The following MYOM3 variants were observed in gnomAD, a reference collection of about 807,000 sequenced individuals.
The protein encoded by MYOM3 is myomesin 3, also known as myomesin-3.
A neutral mutation model predicts 191.7 loss-of-function variants in MYOM3; 155 were observed. That is an observed-to-expected ratio of 0.81 (90% CI 0.71 to 0.92). The LOEUF is 0.92. MYOM3 is among the 40% of genes least tolerant of loss of function. MYOM3 has a pLI of 0.00. For missense variants in MYOM3, 1,889 were observed against 1,890.6 expected (o/e 1.00, Z 0.02); for synonymous variants, 757 against 762.9 (o/e 0.99, Z 0.13).
chr1:24,061,975 C>G lies in MYOM3; in HGVS notation c.3905G>C (p.Arg1302Pro), dbSNP rs182345655. 1 of 1,614,040 alleles carries G rather than the reference C, an allele frequency of 6.2e-7. No homozygotes were observed. The highest frequency in any genetic ancestry group is 8.5e-7 in the Non-Finnish European group (1 of 1,180,036). Residue 1302 changes from arginine to proline, a missense_variant, in exon 33 of 37, where the codon CGG (arginine) becomes CCG (proline). Physicochemically the swap from Arg to Pro is moderately radical, Grantham distance 103. Transcript: ENST00000374434. ...CCCTGAGAGATCTGTTGAGAGCTGC[C>G]GGACTTCCTTCCCTGCAGCTATTTC... is the stretch of plus-strand genomic sequence containing the variant. ...TLEIAAGKEV[R>P]QLSTDLSGQA...
At chr1:24,092,086 C>G in intron 11 of MYOM3, 88 bp downstream of exon 11, 1 of 1,273,188 alleles carries the variant, frequency 7.9e-7, no homozygotes, top group East Asian at 2.8e-5. Flanking sequence ...TCTCTGAGGT[C>G]AGACATGGGG....
Position 24,084,556 on chromosome 1 carries a change from G to GGTCTT in MYOM3, c.1877_1881dup (p.Pro628LysfsTer38). The GGTCTT allele has an allele frequency of 6.2e-7, 1 of 1,614,110 alleles. No homozygotes were observed. The highest frequency in any genetic ancestry group is 8.5e-7 in the Non-Finnish European group (1 of 1,180,016). ...TAGATGTAATAACCCAGGAGCTCTG[G>GGTCTT]GTCTTTCACAGGATCCCATGTCAGG... On this transcript the variant is annotated frameshift_variant, in exon 16 of 37. Coordinates refer to ENST00000374434, the MANE Select transcript of MYOM3 (RefSeq NM_152372.4). LOFTEE classifies it high-confidence loss of function.
Position 24,090,137 on chromosome 1 carries a change from ATGGGAGGG to A in MYOM3, c.1433-27_1433-20del. 1 of 1,356,494 alleles carries A rather than the reference ATGGGAGGG, an allele frequency of 7.4e-7. No homozygotes were observed. The highest frequency in any genetic ancestry group is 1.1e-6 in the Non-Finnish European group (1 of 944,410). 84.0% of individuals were successfully genotyped at this position (1,356,494 alleles called of 1,614,324 possible). A position where few individuals can be genotyped will look rare whatever the true frequency, so the allele number is the denominator to read the frequency against. On this transcript the variant is annotated intron_variant, in intron 12 of 36. Coordinates refer to ENST00000374434, the MANE Select transcript of MYOM3 (RefSeq NM_152372.4). The stretch of plus-strand genomic sequence containing the variant: ...GGGATCTCTAGGATGAGAAGGGAGC[ATGGGAGGG>A]TGGGGGGTGGCACAGGAGGAGTTAG...
intron 1 of MYOM3, among the ~76,000 whole-genome samples, chr1:24,110,366 G>A (rs1047680905): frequency 6.6e-6 from 1 of 152,022 alleles, no homozygotes; most frequent in African/African-American, 2.4e-5. Flanking sequence ...GTGCATGTGT[G>A]TGTATGTGTG....
At chr1:24,082,290 C>A in intron 17 of MYOM3, 102 bp from the exon 18 acceptor site, 1 of 1,117,680 alleles carries the variant, frequency 8.9e-7, no homozygotes. Context: ...TTGGTGCCTG[C>A]CCTACTCCAG....
chr1:24,104,120 T>C (rs915003101), intron 5 of MYOM3, among the ~76,000 whole-genome samples: 7 of 152,228 alleles, frequency 4.6e-5, no homozygotes, highest in African/African-American at 1.7e-4. Flanking sequence ...ACCTGTGTAA[T>C]AGGCATAATG....
intron 15 of MYOM3, among the ~76,000 whole-genome samples, chr1:24,086,271 C>A (rs1271872237): frequency 1.3e-5 from 2 of 152,026 alleles, no homozygotes; most frequent in African/African-American, 4.8e-5. Context: ...GACAGCTCAA[C>A]CCCCACCAGA....
At chr1:24,109,614 G>T (rs1644022184) in intron 1 of MYOM3, among the ~76,000 whole-genome samples, 1 of 152,228 alleles carries the variant, frequency 6.6e-6, no homozygotes, top group South Asian at 2.1e-4. Context: ...ACAATAGTGA[G>T]AACTTACTAT....
intron 17 of MYOM3, 112 bp from the exon 18 acceptor site, chr1:24,082,300 G>A: frequency 9.3e-7 from 1 of 1,078,550 alleles, no homozygotes; most frequent in South Asian, 1.7e-5. Flanking sequence ...CCCTACTCCA[G>A]GGGTTTTTCC....
intron 25 of MYOM3, 143 bp downstream of exon 25, chr1:24,070,974 C>G: frequency 9.4e-7 from 1 of 1,068,338 alleles, no homozygotes; most frequent in Non-Finnish European, 1.4e-6. Flanking sequence ...CCATCCCGTC[C>G]TCATCACTGC....
intron 35 of MYOM3, among the ~76,000 whole-genome samples, chr1:24,059,568 A>G (rs1643343470): frequency 2.0e-5 from 3 of 152,232 alleles, no homozygotes; most frequent in African/African-American, 7.2e-5. Context: ...TGACCATGAG[A>G]TGCTCCTGCC....
chr1:24,057,470 C>A lies in MYOM3; in HGVS notation c.4208G>T (p.Gly1403Val). The A allele has an allele frequency of 1.2e-6, 2 of 1,614,218 alleles. No individual in the cohort carries two copies. Among genetic ancestry groups the A allele is most frequent in the Non-Finnish European group, 1.7e-6 (2 of 1,180,034 alleles). ...TIEKVNSEDS[G>V]RYGVFVKNKY... ...GTTCTTGACGAAGACGCCGTAGCGG[C>A]CGCTGTCTTCACTGTTGACCTTCTC... The change falls in exon 37 of 37, where the codon GGC becomes GTC. Residue 1403 changes from glycine to valine, a missense_variant. Physicochemically the swap from Gly to Val is moderately radical, Grantham distance 109. Transcript: ENST00000374434.
chr1:24,097,873 G>T (rs1557615298), intron 7 of MYOM3, 50 bp downstream of exon 7: 1 of 1,210,048 alleles, frequency 8.3e-7, no homozygotes, highest in Non-Finnish European at 1.2e-6. Flanking sequence ...TGTCTGCCCA[G>T]CTTGGGTTTG....
intron 5 of MYOM3, among the ~76,000 whole-genome samples, chr1:24,102,364 C>T (rs1382231589): frequency 6.6e-6 from 1 of 152,144 alleles, no homozygotes; most frequent in African/African-American, 2.4e-5. Flanking sequence ...CGGGAAGATT[C>T]CAGACACCTC....
chr1:24,071,222 G>A lies in MYOM3; in HGVS notation c.3045C>T (p.Asp1015=), dbSNP rs1252373622. The A allele has an allele frequency of 1.9e-6, 3 of 1,613,794 alleles. No individual in the cohort carries two copies. The highest frequency in any genetic ancestry group is 1.7e-5 in the Admixed American group (1 of 59,972). The part of the protein sequence containing the change: ...VIKLISGWNI[D]ILERGEVRLW... ...GCCGCACCTCCCCTCGCTCCAGGAT[G>A]TCAATGTTCCAGCCGGAGATCAGTT... Residue 1015 remains aspartate (D), a synonymous_variant, in exon 25 of 37, where the codon GAC becomes GAT. Transcript: ENST00000374434.
intron 5 of MYOM3, among the ~76,000 whole-genome samples, chr1:24,104,336 A>G (rs77013626): frequency 0.062 from 9,402 of 152,234 alleles, 418 homozygotes; most frequent in African/African-American, 0.13. Flanking sequence ...CCTGGATTCT[A>G]TGGGCTGAGG....
intron 25 of MYOM3, among the ~76,000 whole-genome samples, chr1:24,070,544 T>C (rs796692366): frequency 4.9e-4 from 74 of 152,194 alleles, no homozygotes; most frequent in African/African-American, 1.6e-3. Context: ...GCTGAGATCA[T>C]GCCACTGCAC....
chr1:24,057,950 G>A (rs996652890), intron 36 of MYOM3, among the ~76,000 whole-genome samples: 9 of 152,076 alleles, frequency 5.9e-5, no homozygotes, highest in Admixed American at 3.3e-4. Flanking sequence ...GGGGTTACAG[G>A]TGCCCGCCAC....
At chr1:24,084,440 A>G (rs2148552656) in intron 16 of MYOM3, 28 bp downstream of exon 16, 1 of 1,612,646 alleles carries the variant, frequency 6.2e-7, no homozygotes, top group African/African-American at 1.3e-5. Context: ...CAGTGTGAGA[A>G]CAGACTGATA....
Sources: allele counts gnomAD v4.1 joint callset (sites outside exome capture counted in the v4.1 genomes callset), GRCh38; gene constraint gnomAD v4.1.1; transcripts MANE v1.5; gene names NCBI Gene and HGNC (gene_info 2026-07-23, HGNC 2026-07-21).